INPP4B: variants seen among roughly 807,000 people sequenced by gnomAD.
INPP4B encodes the protein inositol polyphosphate 4-phosphatase type II.
A neutral mutation model predicts 122.5 loss-of-function variants in INPP4B; 55 were observed. The observed-to-expected ratio is 0.45, with a 90% CI of 0.36 to 0.56. The LOEUF is 0.56. Among genes scored for constraint, INPP4B ranks in the 20% least tolerant of loss-of-function variants. The pLI is 0.00. For synonymous variants in INPP4B, 403 were observed against 388.7 expected (o/e 1.04, Z -0.43); for missense variants, 1,000 against 1,097.7 (o/e 0.91, Z 1.26).
chr4:142,597,273 G>A (rs1364134854), intron 2 of INPP4B, among the ~76,000 whole-genome samples: 1 of 152,186 alleles, frequency 6.6e-6, no homozygotes, highest in African/African-American at 2.4e-5. Flanking sequence ...TTTAAGATCT[G>A]CAGATTTCAT....
At chr4:142,042,746 A>AGAGAT (rs1434184413) in intron 25 of INPP4B, among the ~76,000 whole-genome samples, 1 of 152,058 alleles carries the variant, frequency 6.6e-6, no homozygotes, top group Non-Finnish European at 1.5e-5. Context: ...TATTTTTAGT[A>AGAGAT]GAGATGAGGT....
chr4:142,675,634 A>C (rs1757650751), intron 2 of INPP4B, among the ~76,000 whole-genome samples: 1 of 152,192 alleles, frequency 6.6e-6, no homozygotes, highest in Non-Finnish European at 1.5e-5. Flanking sequence ...CAGCACATCA[A>C]AAAGCTTATC....
At chr4:142,604,288 G>GCT (rs1740726133) in intron 2 of INPP4B, among the ~76,000 whole-genome samples, 1 of 151,996 alleles carries the variant, frequency 6.6e-6, no homozygotes, top group Non-Finnish European at 1.5e-5. Context: ...AATGGAAAAA[G>GCT]TTGAAAGCTT....
At chr4:142,766,228 G>A (rs6835910) in intron 1 of INPP4B, among the ~76,000 whole-genome samples, 4,276 of 152,076 alleles carry the variant, frequency 0.028, 200 homozygotes, top group African/African-American at 0.096. Flanking sequence ...CTGTCATGGC[G>A]AAATAAAATA....
At chr4:142,323,004 A>G (rs1193414956) in intron 7 of INPP4B, among the ~76,000 whole-genome samples, 2 of 152,236 alleles carry the variant, frequency 1.3e-5, no homozygotes, top group African/African-American at 4.8e-5. Flanking sequence ...CTCACAAACT[A>G]GCTCTAAGTC....
At chr4:142,665,798 A>G (rs1339494126) in intron 2 of INPP4B, among the ~76,000 whole-genome samples, 1 of 152,166 alleles carries the variant, frequency 6.6e-6, no homozygotes, top group African/African-American at 2.4e-5. Flanking sequence ...ATAAATCAAT[A>G]TATAAGTATG....
chr4:142,249,423 T>A (rs1031454070), intron 11 of INPP4B, among the ~76,000 whole-genome samples: 76 of 152,242 alleles, frequency 5.0e-4, no homozygotes, highest in African/African-American at 1.7e-3. Flanking sequence ...AAACTTTTTT[T>A]AATGTTCTAT....
chr4:142,145,639 T>C (rs1490478344), intron 18 of INPP4B, among the ~76,000 whole-genome samples: 1 of 152,056 alleles, frequency 6.6e-6, no homozygotes, highest in African/African-American at 2.4e-5. Context: ...AAAAAGAACA[T>C]TGCTAGCAGT....
intron 18 of INPP4B, among the ~76,000 whole-genome samples, chr4:142,129,686 A>G (rs1331721564): frequency 6.6e-6 from 1 of 152,204 alleles, no homozygotes; most frequent in East Asian, 1.9e-4. Context: ...AATGTTTTCC[A>G]GGCCACTCAG....
chr4:142,129,619 A>T (rs1174350707), intron 18 of INPP4B, among the ~76,000 whole-genome samples: 1 of 152,112 alleles, frequency 6.6e-6, no homozygotes, highest in Non-Finnish European at 1.5e-5. Flanking sequence ...GGCTAATTCC[A>T]GACAATAGAA....
At chr4:142,339,834 CTCT>C (rs1173214644) in intron 7 of INPP4B, among the ~76,000 whole-genome samples, 2 of 152,086 alleles carry the variant, frequency 1.3e-5, no homozygotes, top group Admixed American at 6.6e-5. Context: ...TTGTATAGAT[CTCT>C]TATTTTCTCA....
intron 2 of INPP4B, among the ~76,000 whole-genome samples, chr4:142,624,041 G>C (rs911259600): frequency 4.0e-5 from 6 of 151,888 alleles, no homozygotes; most frequent in Non-Finnish European, 1.5e-5. Context: ...GTGTGCATGT[G>C]TCTTTAAAGC....
At chr4:142,187,802 C>T (rs1023637640) in intron 15 of INPP4B, among the ~76,000 whole-genome samples, 1 of 152,086 alleles carries the variant, frequency 6.6e-6, no homozygotes, top group Non-Finnish European at 1.5e-5. Context: ...TGCGATGTTG[C>T]TCAGGCTGGT....
At chr4:142,489,306 T>G (rs1041021917) in intron 2 of INPP4B, among the ~76,000 whole-genome samples, 5 of 152,192 alleles carry the variant, frequency 3.3e-5, no homozygotes, top group Non-Finnish European at 7.3e-5. Flanking sequence ...GTGCTCTATA[T>G]GTACCTGAGA....
At chr4:142,447,250 A>G (rs1053907217) in intron 3 of INPP4B, among the ~76,000 whole-genome samples, 1 of 152,134 alleles carries the variant, frequency 6.6e-6, no homozygotes, top group Non-Finnish European at 1.5e-5. Flanking sequence ...ACTGGCTGTG[A>G]GACTTTCTCC....
intron 2 of INPP4B, among the ~76,000 whole-genome samples, chr4:142,534,172 T>C (rs1453998146): frequency 1.3e-5 from 2 of 152,184 alleles, no homozygotes; most frequent in Non-Finnish European, 2.9e-5. Context: ...GGTTCATTTC[T>C]CTAGCATAAC....
At chr4:142,219,788 C>G (rs1040306244) in intron 12 of INPP4B, among the ~76,000 whole-genome samples, 1 of 152,142 alleles carries the variant, frequency 6.6e-6, no homozygotes, top group African/African-American at 2.4e-5. Flanking sequence ...AAGGAAAACA[C>G]CAGGCTCTAT....
At chr4:142,065,868 G>C (rs1763255704) in intron 25 of INPP4B, among the ~76,000 whole-genome samples, 1 of 152,138 alleles carries the variant, frequency 6.6e-6, no homozygotes, top group Admixed American at 6.6e-5. Context: ...GAGATGTGTG[G>C]GGTGAGGTAT....
At chr4:142,491,055 CA>C (rs1027253443) in intron 2 of INPP4B, among the ~76,000 whole-genome samples, 2 of 152,110 alleles carry the variant, frequency 1.3e-5, no homozygotes, top group African/African-American at 4.8e-5. Flanking sequence ...TCAACATACT[CA>C]TTTCAAACAC....
Sources: allele counts gnomAD v4.1 joint callset (sites outside exome capture counted in the v4.1 genomes callset), GRCh38; gene constraint gnomAD v4.1.1; transcripts MANE v1.5; gene names NCBI Gene and HGNC (gene_info 2026-07-23, HGNC 2026-07-21).